The following ARID1B variants were observed in gnomAD, a reference collection of about 807,000 sequenced individuals.
ARID1B encodes AT-rich interactive domain-containing protein 1B.
A neutral mutation model predicts 212.3 loss-of-function variants in ARID1B; 30 were observed. The observed-to-expected ratio is 0.14, with a 90% confidence interval of 0.11 to 0.19. The LOEUF (loss-of-function observed/expected upper bound fraction) is 0.19, where lower values mean the gene tolerates loss of function less well. Among genes scored for constraint, ARID1B ranks in the 10% least tolerant of loss-of-function variants. The pLI is 1.00. For missense variants in ARID1B, 2,891 were observed against 3,204.0 expected (o/e 0.90, Z 2.36); for synonymous variants, 1,402 against 1,301.7 (o/e 1.08, Z -1.66).
chr6:156,993,686 A>T (rs1029827095), intron 4 of ARID1B, among the ~76,000 whole-genome samples: 1 of 152,242 alleles, frequency 6.6e-6, no homozygotes, highest in Non-Finnish European at 1.5e-5. Flanking sequence ...TGTAGTAGGA[A>T]TAATATTTAT....
intron 6 of ARID1B, among the ~76,000 whole-genome samples, chr6:157,120,737 A>G (rs1409765560): frequency 6.6e-6 from 1 of 152,148 alleles, no homozygotes; most frequent in Non-Finnish European, 1.5e-5. Context: ...GCTTGAAGAG[A>G]CAGATGCCAA....
In ARID1B at chr6:156,816,675, A is replaced by C. The variant is rs553740146; in HGVS notation, c.1792-12552A>C. ...CGTCTTCCGTTTACAGGGCAGCCAC[A>C]GCTGTGCTGGGTACAGAGTGTTCTA... On this transcript the variant is annotated intron_variant, in intron 1 of 19. Coordinates refer to ENST00000636930, the MANE Select transcript of ARID1B (RefSeq NM_001374828.1). Among the ~76,000 whole-genome samples the C allele has an allele frequency of 8.5e-5, 13 of 152,304 alleles. No homozygotes were observed. In the South Asian group the frequency reaches 2.7e-3, roughly 32 times the overall value.
intron 3 of ARID1B, among the ~76,000 whole-genome samples, chr6:156,903,014 T>G (rs1452529032): frequency 3.3e-5 from 5 of 152,070 alleles, no homozygotes; most frequent in African/African-American, 1.2e-4. Context: ...ATAGATAAAT[T>G]ATATTACTCA....
chr6:157,064,084 G>C (rs1472616788), intron 4 of ARID1B, among the ~76,000 whole-genome samples: 1 of 152,188 alleles, frequency 6.6e-6, no homozygotes, highest in Non-Finnish European at 1.5e-5. Context: ...TCCACAGTAG[G>C]AATCCCATTC....
At chr6:156,989,148 CAT>C (rs1237811714) in intron 4 of ARID1B, among the ~76,000 whole-genome samples, 2 of 152,154 alleles carry the variant, frequency 1.3e-5, no homozygotes, top group East Asian at 3.9e-4. Context: ...CCATGTTTAT[CAT>C]ATTTTATTCG....
At chr6:156,871,858 T>G (rs1786161100) in intron 2 of ARID1B, among the ~76,000 whole-genome samples, 1 of 152,244 alleles carries the variant, frequency 6.6e-6, no homozygotes, top group Non-Finnish European at 1.5e-5. Flanking sequence ...GGGCTCATTG[T>G]AAGTTACAAG....
At chr6:157,180,398 C>A (rs1372363603) in intron 11 of ARID1B, among the ~76,000 whole-genome samples, 4 of 150,020 alleles carry the variant, frequency 2.7e-5, no homozygotes, top group African/African-American at 4.9e-5. Context: ...AAACAAAAAA[C>A]ACACGAGCTT....
chr6:156,978,037 T>G (rs1777370618), intron 4 of ARID1B, among the ~76,000 whole-genome samples: 1 of 152,224 alleles, frequency 6.6e-6, no homozygotes, highest in East Asian at 1.9e-4. Context: ...TTTGGGTGCT[T>G]CTTTCCCCAT....
At chr6:157,029,274 T>C (rs1243528539) in intron 4 of ARID1B, among the ~76,000 whole-genome samples, 1 of 152,250 alleles carries the variant, frequency 6.6e-6, no homozygotes, top group Non-Finnish European at 1.5e-5. Context: ...TCTACTTATA[T>C]AGTTATATTA....
At chr6:157,111,488 C>G (rs1786919649) in intron 6 of ARID1B, among the ~76,000 whole-genome samples, 1 of 152,190 alleles carries the variant, frequency 6.6e-6, no homozygotes, top group Admixed American at 6.5e-5. Context: ...TCCTGCACTC[C>G]CCTCCTCTCT....
At chr6:157,163,210 C>G (rs1480445306) in intron 8 of ARID1B, among the ~76,000 whole-genome samples, 1 of 152,128 alleles carries the variant, frequency 6.6e-6, no homozygotes, top group Non-Finnish European at 1.5e-5. Flanking sequence ...TGGAAAGGAC[C>G]CAGCTGCTGC....
chr6:156,858,320 G>GTA (rs1323539967), intron 2 of ARID1B, among the ~76,000 whole-genome samples: 3 of 152,204 alleles, frequency 2.0e-5, no homozygotes, highest in African/African-American at 7.2e-5. Flanking sequence ...TGATAGCACA[G>GTA]TAGGGCAACT....
intron 4 of ARID1B, among the ~76,000 whole-genome samples, chr6:157,075,611 A>G (rs895858458): frequency 6.6e-6 from 1 of 152,242 alleles, no homozygotes. Context: ...GTAACTTAAC[A>G]ATGGAGAAAC....
At chr6:157,111,034 C>A (rs926760719) in intron 6 of ARID1B, 2 of 159,378 alleles carry the variant, frequency 1.3e-5, no homozygotes, top group Admixed American at 1.2e-4. Context: ...AGAACTGGAG[C>A]AGACCTAAAA....
upstream of ARID1B, chr6:156,777,353 T>G (rs1310674716): frequency 6.6e-6 from 1 of 151,472 alleles, no homozygotes; most frequent in Non-Finnish European, 1.5e-5. Context: ...GGATAATAGT[T>G]GCTCGAGCTC....
intron 1 of ARID1B, among the ~76,000 whole-genome samples, chr6:156,803,635 T>C (rs866993347): frequency 1.0e-4 from 15 of 145,344 alleles, no homozygotes; most frequent in Admixed American, 2.7e-4. Context: ...CTTTTTCTCT[T>C]TTTTTTTTTT....
intron 4 of ARID1B, among the ~76,000 whole-genome samples, chr6:157,008,745 G>C (rs954223793): frequency 2.6e-5 from 4 of 152,066 alleles, no homozygotes; most frequent in Non-Finnish European, 5.9e-5. Context: ...TCTGGGTACG[G>C]GATCGGCGGG....
chr6:156,835,802 C>T (rs939723872), intron 2 of ARID1B, among the ~76,000 whole-genome samples: 1 of 152,098 alleles, frequency 6.6e-6, no homozygotes, highest in Non-Finnish European at 1.5e-5. Flanking sequence ...AGTGCAGTGG[C>T]ATGAACATGG....
chr6:157,148,985 C>T lies in ARID1B; in HGVS notation c.3089+34C>T, dbSNP rs767666829. ...CCCAGGAGCACGCCCCGGGCAGGTA[C>T]GCTGTGTGTCTACCCGTGACCACGT... On this transcript the variant is annotated intron_variant, in intron 8 of 19. Transcript: ENST00000636930. This position sits in a 1 kb window ranked among gnomAD's most constrained non-coding sequence, Gnocchi z 5.6. The T allele has an allele frequency of 2.6e-5, 41 of 1,581,934 alleles. No homozygotes were observed. Among genetic ancestry groups the T allele is most frequent in the African/African-American group, 4.0e-5 (3 of 74,542 alleles).
Sources: allele counts gnomAD v4.1 joint callset (sites outside exome capture counted in the v4.1 genomes callset), GRCh38; gene constraint gnomAD v4.1.1; non-coding constraint Gnocchi (gnomAD v3.1); transcripts MANE v1.5; gene names NCBI Gene and HGNC (gene_info 2026-07-23, HGNC 2026-07-21).